The following BCAS3 variants were observed in gnomAD, a reference collection of about 807,000 sequenced individuals.
BCAS3 encodes the protein BCAS4/BCAS3 fusion.
In BCAS3, 53 loss-of-function variants were observed where a neutral mutation model predicts 116.1. The observed-to-expected ratio is 0.46, with a 90% CI of 0.37 to 0.57. The LOEUF (loss-of-function observed/expected upper bound fraction) is 0.57, where lower values mean the gene tolerates loss of function less well. Among genes scored for constraint, BCAS3 ranks in the 20% least tolerant of loss-of-function variants. The probability of loss-of-function intolerance (pLI) is 0.00; values close to 1 mark genes in which losing one functional copy is unlikely to be tolerated. For missense variants in BCAS3, 917 were observed against 1,165.4 expected (o/e 0.79, Z 3.10); for synonymous variants, 391 against 408.2 (o/e 0.96, Z 0.51).
At chr17:61,172,943 A>G (rs1255385829) in intron 22 of BCAS3, among the ~76,000 whole-genome samples, 1 of 147,450 alleles carries the variant, frequency 6.8e-6, no homozygotes, top group Admixed American at 6.8e-5. Flanking sequence ...AGCTGAGATG[A>G]CGCCACTGCA....
chr17:61,236,612 A>G (rs985617846), intron 22 of BCAS3, among the ~76,000 whole-genome samples: 4 of 152,174 alleles, frequency 2.6e-5, no homozygotes, highest in Admixed American at 1.3e-4. Context: ...GAGCCACCGC[A>G]TCCGGCCACT....
At chr17:61,301,608 A>C (rs749896986) in intron 22 of BCAS3, among the ~76,000 whole-genome samples, 14 of 152,186 alleles carry the variant, frequency 9.2e-5, no homozygotes, top group Non-Finnish European at 1.8e-4. Context: ...TTGCAGCCGG[A>C]TGACAGTGAG....
intron 22 of BCAS3, among the ~76,000 whole-genome samples, chr17:61,108,082 A>G (rs570347895): frequency 1.3e-5 from 2 of 152,182 alleles, no homozygotes; most frequent in African/African-American, 2.4e-5. Flanking sequence ...GGTTTGCTTC[A>G]TATGTTTTGT....
chr17:61,238,305 C>T (rs946704758), intron 22 of BCAS3, among the ~76,000 whole-genome samples: 1 of 151,808 alleles, frequency 6.6e-6, no homozygotes, highest in African/African-American at 2.4e-5. Flanking sequence ...TCACTGCAAC[C>T]TCCGCCTTCC....
intron 22 of BCAS3, among the ~76,000 whole-genome samples, chr17:61,308,361 A>G (rs1192478242): frequency 3.1e-5 from 1 of 32,704 alleles, no homozygotes; most frequent in Non-Finnish European, 6.7e-5. Context: ...CCCAACCCCC[A>G]TCCCACTCCC....
At chr17:61,292,390 C>G (rs981517949) in intron 22 of BCAS3, among the ~76,000 whole-genome samples, 1 of 152,112 alleles carries the variant, frequency 6.6e-6, no homozygotes. Flanking sequence ...GTGGCTCACA[C>G]CTGTAATCCT....
rs2058111213 is a variant in BCAS3, at chr17:61,355,911, A to T, written c.2426-12416A>T. Reference sequence around the variant, plus strand: ...CTTGCAGTGTATTCTGAGCCCTGCCATAGGAATCCTATCACAGCTCTATGT... The same window carrying T: ...CTTGCAGTGTATTCTGAGCCCTGCCTTAGGAATCCTATCACAGCTCTATGT... On this transcript the variant is annotated intron_variant, in intron 22 of 23. Transcript: ENST00000407086. The surrounding 1 kb of genome is among the most constrained non-coding windows in gnomAD (Gnocchi z 4.2). 6.6e-6 allele frequency among the ~76,000 whole-genome samples: 1 copy of T among 152,220 alleles called. No individual in the cohort carries two copies. Among genetic ancestry groups the T allele is most frequent in the Non-Finnish European group, 1.5e-5 (1 of 68,036 alleles).
intron 6 of BCAS3, among the ~76,000 whole-genome samples, chr17:60,797,388 T>C (rs1471082885): frequency 1.3e-5 from 2 of 151,856 alleles, no homozygotes; most frequent in South Asian, 2.1e-4. Context: ...ATTTATTTTT[T>C]TGTGGGGTGG....
rs1296543049 is a variant in BCAS3, at chr17:60,960,753, GT to G, written c.1221+13402del. ...GTTTCCTGCTTGTGGAATTTTGCAA[GT>G]CCAGTAGCTGCCTTCTTCTTCTTTT... On this transcript the variant is annotated intron_variant, in intron 14 of 23. Transcript: ENST00000407086. This position sits in a 1 kb window ranked among gnomAD's most constrained non-coding sequence, Gnocchi z 4.1. Among the ~76,000 whole-genome samples the G allele has an allele frequency of 1.3e-5, 2 of 151,664 alleles. No homozygotes were observed. The highest frequency in any genetic ancestry group is 2.9e-5 in the Non-Finnish European group (2 of 67,944).
At chr17:61,360,857 A>T (rs958737528) in intron 22 of BCAS3, among the ~76,000 whole-genome samples, 3 of 152,256 alleles carry the variant, frequency 2.0e-5, no homozygotes, top group Admixed American at 6.5e-5. Flanking sequence ...AACAGGGAAA[A>T]TGACTCTTCC....
intron 7 of BCAS3, among the ~76,000 whole-genome samples, chr17:60,845,804 T>C (rs2052469899): frequency 6.6e-6 from 1 of 150,950 alleles, no homozygotes; most frequent in East Asian, 1.9e-4. Context: ...TTTTTCTCTC[T>C]CTCTCTCTTT....
At chr17:61,038,339 G>A (rs956153530) in intron 18 of BCAS3, among the ~76,000 whole-genome samples, 6 of 148,028 alleles carry the variant, frequency 4.1e-5, no homozygotes, top group South Asian at 2.1e-4. Flanking sequence ...GTGCAGTGGC[G>A]CGATCTCAGC....
Position 61,077,528 on chromosome 17 carries a change from GAAATAAAAT to G in BCAS3, c.2131-792_2131-784del, listed in dbSNP as rs1232766648. The stretch of plus-strand genomic sequence containing the variant: ...CGAGACTCCGTCTCAAAAAAAAAAT[GAAATAAAAT>G]AAATAAAATAAAATATTGGCAACAT... On this transcript the variant is annotated intron_variant, in intron 20 of 23. Coordinates refer to ENST00000407086, the MANE Select transcript of BCAS3 (RefSeq NM_017679.5). This position sits in a 1 kb window ranked among gnomAD's most constrained non-coding sequence, Gnocchi z 4.3. Among the ~76,000 whole-genome samples the G allele has an allele frequency of 1.3e-5, 2 of 151,806 alleles. No homozygotes were observed.
At chr17:60,924,145 C>T (rs2059245591) in intron 12 of BCAS3, among the ~76,000 whole-genome samples, 1 of 152,072 alleles carries the variant, frequency 6.6e-6, no homozygotes, top group Non-Finnish European at 1.5e-5. Flanking sequence ...TGAACCTATA[C>T]TTGAAGAAGT....
chr17:61,115,212 A>G (rs2075352192), intron 22 of BCAS3, among the ~76,000 whole-genome samples: 1 of 152,192 alleles, frequency 6.6e-6, no homozygotes, highest in African/African-American at 2.4e-5. Flanking sequence ...ACCAAAAGCA[A>G]TGGCAACAAA....
chr17:60,834,262 A>T (rs1042985991), intron 7 of BCAS3, among the ~76,000 whole-genome samples: 1 of 152,036 alleles, frequency 6.6e-6, no homozygotes, highest in African/African-American at 2.4e-5. Context: ...CTTAATAAAG[A>T]TAAGCAAAAG....
chr17:61,150,719 G>T (rs2077496518), intron 22 of BCAS3, among the ~76,000 whole-genome samples: 1 of 152,186 alleles, frequency 6.6e-6, no homozygotes, highest in Non-Finnish European at 1.5e-5. Flanking sequence ...GTATGTTAGA[G>T]TTAGGAAACT....
At chr17:61,109,550 C>T (rs556045331) in intron 22 of BCAS3, among the ~76,000 whole-genome samples, 23 of 152,286 alleles carry the variant, frequency 1.5e-4, no homozygotes, top group African/African-American at 5.1e-4. Flanking sequence ...GTTGTACAAG[C>T]TTACATTCCC....
intron 19 of BCAS3, among the ~76,000 whole-genome samples, chr17:61,055,677 C>T (rs1344831527): frequency 1.3e-5 from 2 of 152,160 alleles, no homozygotes; most frequent in East Asian, 3.9e-4. Context: ...AAAATAAATA[C>T]ACAGCCTTGT....
Sources: allele counts gnomAD v4.1 joint callset (sites outside exome capture counted in the v4.1 genomes callset), GRCh38; gene constraint gnomAD v4.1.1; non-coding constraint Gnocchi (gnomAD v3.1); transcripts MANE v1.5; gene names NCBI Gene and HGNC (gene_info 2026-07-23, HGNC 2026-07-21).